Variants in TDP1 observed in about 807,000 individuals in gnomAD.
TDP1 encodes tyrosyl-DNA phosphodiesterase 1, also known as tyr-DNA phosphodiesterase 1.
In TDP1, 64 loss-of-function variants were observed where a neutral mutation model predicts 81.5. The observed-to-expected ratio is 0.79, with a 90% CI of 0.64 to 0.97. The LOEUF (loss-of-function observed/expected upper bound fraction) is 0.97. Ranked by LOEUF, TDP1 falls within the 50% of genes least tolerant of loss-of-function variation. The pLI is 0.00. For missense variants in TDP1, 723 were observed against 743.8 expected, an observed-to-expected ratio of 0.97 and a Z score of 0.33; for synonymous variants, 256 against 264.3, an observed-to-expected ratio of 0.97 and a Z score of 0.30.
Position 89,985,129 on chromosome 14 carries a change from T to C in TDP1, c.1053-3T>C, listed in dbSNP as rs981601249. 1 of 1,606,772 alleles carries C rather than the reference T, an allele frequency of 6.2e-7. No individual in the cohort carries two copies. On this transcript the variant is annotated splice_polypyrimidine_tract_variant and splice_region_variant and intron_variant, in intron 9 of 16. Coordinates refer to ENST00000335725, the MANE Select transcript of TDP1 (RefSeq NM_018319.4). Reference sequence around the variant, plus strand: ...TATAACTTGTGTTTTTATGTCTTTTTAGTGTTTATCTTATTGGTTCAACCC... The same window carrying C: ...TATAACTTGTGTTTTTATGTCTTTTCAGTGTTTATCTTATTGGTTCAACCC...
intron 14 of TDP1, among the ~76,000 whole-genome samples, chr14:89,995,133 T>C (rs545721166): frequency 6.6e-6 from 1 of 152,382 alleles, no homozygotes; most frequent in Admixed American, 6.5e-5. Flanking sequence ...TTGTAGCTTC[T>C]AGTTTTATTC....
rs926694859 is a variant in TDP1, at chr14:89,962,886, G to A, written c.-7-222G>A. The A allele has an allele frequency of 2.2e-5, 22 of 983,646 alleles. No individual in the cohort carries two copies. In the African/African-American group the frequency reaches 3.5e-4, roughly 16 times the overall value. The allele number at this position is 983,646 out of a possible 1,614,324, so 60.9% of individuals were successfully genotyped here. A position where few individuals can be genotyped will look rare whatever the true frequency, so the allele number is the denominator to read the frequency against. On this transcript the variant is annotated intron_variant, in intron 2 of 16. Transcript: ENST00000335725. ...GAGACCCTGTTTCAAAAAAAAAAAG[G>A]AAGAAAAAAGAAAGGTGACCAGGAC...
chr14:89,995,569 A>G (rs1191289100), intron 14 of TDP1, among the ~76,000 whole-genome samples: 1 of 152,250 alleles, frequency 6.6e-6, no homozygotes, highest in Non-Finnish European at 1.5e-5. Context: ...CAACTTAGAT[A>G]CATAGAACCC....
At chr14:90,005,766 C>A (rs1205488323) in intron 14 of TDP1, among the ~76,000 whole-genome samples, 1 of 152,180 alleles carries the variant, frequency 6.6e-6, no homozygotes, top group Admixed American at 6.5e-5. Context: ...TGGAACATTT[C>A]ATTAGAAAAT....
chr14:89,971,608 C>G (rs1893676565), intron 6 of TDP1, among the ~76,000 whole-genome samples: 1 of 152,224 alleles, frequency 6.6e-6, no homozygotes, highest in African/African-American at 2.4e-5. Context: ...TCTGTCCTGT[C>G]TCCCTTCGTT....
chr14:89,984,237 G>A (rs1285620794), intron 8 of TDP1: 1 of 985,468 alleles, frequency 1.0e-6, no homozygotes, highest in African/African-American at 1.7e-5. Flanking sequence ...GGTTTGGCAA[G>A]TGAGAGGGAG....
At chr14:89,963,694 A>G (rs760017385) in intron 3 of TDP1, 21 bp downstream of exon 3, 2 of 1,613,756 alleles carry the variant, frequency 1.2e-6, no homozygotes, top group South Asian at 1.1e-5. Flanking sequence ...GCTGGGTGTC[A>G]AGGAGCTGTT....
intron 14 of TDP1, among the ~76,000 whole-genome samples, chr14:89,995,334 C>T (rs775681740): frequency 1.3e-5 from 2 of 152,180 alleles, no homozygotes; most frequent in Non-Finnish European, 2.9e-5. Context: ...TGCCTACTAT[C>T]ATGCAGTAAT....
intron 14 of TDP1, among the ~76,000 whole-genome samples, chr14:89,995,268 A>G (rs1371149408): frequency 6.6e-6 from 1 of 152,214 alleles, no homozygotes; most frequent in African/African-American, 2.4e-5. Flanking sequence ...GTATTTACTT[A>G]TTTAATTCTC....
In TDP1 at chr14:89,988,975, T is replaced by C. The variant is rs1176571465; in HGVS notation, c.1202T>C (p.Val401Ala). The change falls in exon 11 of 17, where the codon GTT (valine) becomes GCT (alanine). Residue 401 changes from valine (V) to alanine (A), a missense_variant. By Grantham distance (64) the Val-to-Ala change is moderately conservative (BLOSUM62 0). Transcript: ENST00000335725. ...CCTGTCGTAGGTCAGTTTTCAAGCG[T>C]TGGCTCCTTGGGAGCCGATGAATCA... ...SWPVVGQFSS[V>A]GSLGADESKW... 2 of 1,614,228 alleles carry C rather than the reference T, an allele frequency of 1.2e-6. No individual in the cohort carries two copies. Among genetic ancestry groups the C allele is most frequent in the Admixed American group, 3.3e-5 (2 of 60,020 alleles).
intron 3 of TDP1, among the ~76,000 whole-genome samples, chr14:89,963,997 T>C (rs1255163957): frequency 6.6e-6 from 1 of 152,200 alleles, no homozygotes; most frequent in Non-Finnish European, 1.5e-5. Flanking sequence ...ACAACAGTAG[T>C]AGTTCTCCAT....
intron 15 of TDP1, chr14:90,032,731 A>C: frequency 1.0e-6 from 1 of 985,122 alleles, no homozygotes; most frequent in South Asian, 4.7e-5. Context: ...TTACTATAGC[A>C]ATGTTGGAAG....
intron 8 of TDP1, 29 bp downstream of exon 8, chr14:89,980,661 AGT>A: frequency 1.3e-6 from 2 of 1,557,090 alleles, no homozygotes; most frequent in Non-Finnish European, 1.8e-6. Flanking sequence ...ACTTCCTGGC[AGT>A]GTGTGTGTTG....
Position 89,998,420 on chromosome 14 carries a change from A to ATATG in TDP1, c.1541+4957_1541+4960dup, listed in dbSNP as rs757314572. Among the ~76,000 whole-genome samples the ATATG allele has an allele frequency of 8.9e-3, 706 of 78,998 alleles. 11 individuals are homozygous for ATATG. The highest frequency in any genetic ancestry group is 0.014 in the African/African-American group (214 of 15,522). 51.8% of individuals were successfully genotyped at this position (78,998 alleles called of 152,430 possible). A position where few individuals can be genotyped will look rare whatever the true frequency, so the allele number is the denominator to read the frequency against. Reference sequence around the variant, plus strand: ...TATATATATATATATATATATATATATATGTATGTATGTATGTATGTATAT... The same window carrying ATATG: ...TATATATATATATATATATATATATATATGTATGTATGTATGTATGTATGTATAT... On this transcript the variant is annotated intron_variant, in intron 14 of 16. Transcript: ENST00000335725.
intron 2 of TDP1, among the ~76,000 whole-genome samples, chr14:89,962,722 A>AG (rs1304444901): frequency 3.9e-5 from 6 of 151,996 alleles, no homozygotes; most frequent in Non-Finnish European, 8.8e-5. Flanking sequence ...GAAAAAAAAA[A>AG]TTAGCCAGAC....
At chr14:89,977,605 A>T (rs184341045) in intron 7 of TDP1, among the ~76,000 whole-genome samples, 127 of 152,348 alleles carry the variant, frequency 8.3e-4, no homozygotes, top group Non-Finnish European at 1.5e-3. Flanking sequence ...GCGTATTTTT[A>T]AAATGTTTTA....
chr14:90,026,826 G>C (rs112409869), intron 15 of TDP1, among the ~76,000 whole-genome samples: 8,281 of 152,184 alleles, frequency 0.054, 357 homozygotes, highest in African/African-American at 0.12. Context: ...TCCATGGTGT[G>C]TATGTGCCAC....
At chr14:89,968,495 T>A (rs1196875162) in intron 5 of TDP1, among the ~76,000 whole-genome samples, 4 of 152,218 alleles carry the variant, frequency 2.6e-5, no homozygotes, top group Non-Finnish European at 5.9e-5. Context: ...TATGCCCATC[T>A]AAGCAGCCTT....
intron 14 of TDP1, among the ~76,000 whole-genome samples, chr14:90,002,361 C>G (rs188033878): frequency 6.6e-6 from 1 of 152,168 alleles, no homozygotes; most frequent in Non-Finnish European, 1.5e-5. Flanking sequence ...CGCATTTATA[C>G]CCTTGGCTTT....
Sources: allele counts gnomAD v4.1 joint callset (sites outside exome capture counted in the v4.1 genomes callset), GRCh38; gene constraint gnomAD v4.1.1; transcripts MANE v1.5; gene names NCBI Gene and HGNC (gene_info 2026-07-23, HGNC 2026-07-21).